ZNF517: variants seen among roughly 807,000 people sequenced by gnomAD.
ZNF517 encodes the protein zinc finger protein 517.
A neutral mutation model predicts 12.1 loss-of-function variants in ZNF517; 12 were observed. The observed-to-expected ratio is 0.99, with a 90% CI of 0.63 to 1.61. The LOEUF is 1.61. Among genes scored for constraint, ZNF517 ranks in the 40% most tolerant of loss-of-function variants. ZNF517 has a pLI of 0.00. For synonymous variants in ZNF517, 388 were observed against 310.2 expected, an observed-to-expected ratio of 1.25 and a Z score of -2.63; for missense variants, 781 against 693.2, an observed-to-expected ratio of 1.13 and a Z score of -1.42.
At chr8:144,804,313 C>T (rs556372185) in intron 4 of ZNF517, 75 bp downstream of exon 4, 2 of 1,107,124 alleles carry the variant, frequency 1.8e-6, no homozygotes, top group Admixed American at 2.2e-5. Flanking sequence ...CTGCAGGTCC[C>T]TTCTTCTACA....
chr8:144,805,294 C>T (rs1341484196), intron 4 of ZNF517, among the ~76,000 whole-genome samples: 1 of 152,206 alleles, frequency 6.6e-6, no homozygotes, highest in Non-Finnish European at 1.5e-5. Context: ...TCTGTATGGC[C>T]TGGTTTTTCC....
chr8:144,800,976 C>T (rs537187391), intron 1 of ZNF517, among the ~76,000 whole-genome samples: 7 of 152,222 alleles, frequency 4.6e-5, no homozygotes, highest in Admixed American at 6.5e-5. Context: ...ATTACAGGTG[C>T]GTACCAGCAC....
chr8:144,806,367 C>T (rs1292900340), intron 4 of ZNF517, among the ~76,000 whole-genome samples: 6 of 152,218 alleles, frequency 3.9e-5, no homozygotes, highest in Non-Finnish European at 8.8e-5. Flanking sequence ...CCTGTCTTCC[C>T]TGCCAGACCT....
At position 144,803,707 on chromosome 8, in the gene ZNF517, G is replaced by A. The variant is rs757457261; in HGVS notation, c.100G>A (p.Asp34Asn). The A allele has an allele frequency of 2.1e-5, 34 of 1,614,026 alleles. No individual in the cohort carries two copies. Among genetic ancestry groups the A allele is most frequent in the Non-Finnish European group, 2.6e-5 (31 of 1,180,016 alleles). ...TRIEWSCLAPDQQALYRDVML... is the reference protein window; with the variant it reads ...TRIEWSCLAPNQQALYRDVML... ...GATAGAGTGGAGTTGCCTGGCCCCC[G>A]ACCAGCAGGCACTCTACAGGGACGT... Residue 34 changes from aspartate (D) to asparagine (N), a missense_variant, in exon 3 of 5, where the codon GAC becomes AAC. Coordinates refer to ENST00000359971, the MANE Select transcript of ZNF517 (RefSeq NM_213605.3).
intron 1 of ZNF517, among the ~76,000 whole-genome samples, chr8:144,801,708 C>T (rs995307075): frequency 1.3e-5 from 2 of 152,022 alleles, no homozygotes; most frequent in African/African-American, 2.4e-5. Flanking sequence ...CTGTCTCCAC[C>T]GCACCTGGCC....
At chr8:144,810,135 C>T, downstream of ZNF517, 1 of 694,074 alleles carries the variant, frequency 1.4e-6, no homozygotes, top group Non-Finnish European at 2.6e-6. Flanking sequence ...CAGCAGAAGC[C>T]AGGAAGGAAG....
Position 144,808,647 on chromosome 8 carries a change from C to CGGGCAGAAGGGAGAGAGGGAG in ZNF517, c.*259_*279dup, listed in dbSNP as rs1827420866. The stretch of plus-strand genomic sequence containing the variant: ...GGGGCCTTCCGGAAATGTCCAGGAG[C>CGGGCAGAAGGGAGAGAGGGAG]GGGCAGAAGGGAGAGAGGGAGGGGC... On this transcript the variant is annotated 3_prime_UTR_variant, in exon 5 of 5. Transcript: ENST00000359971. 1 of 423,470 alleles carries CGGGCAGAAGGGAGAGAGGGAG rather than the reference C, an allele frequency of 2.4e-6. No individual in the cohort carries two copies. Among genetic ancestry groups the CGGGCAGAAGGGAGAGAGGGAG allele is most frequent in the Admixed American group, 4.5e-5 (1 of 22,374 alleles). The allele number at this position is 423,470 out of a possible 1,614,324, so 26.2% of individuals were successfully genotyped here.
chr8:144,812,512 G>A (rs888109502), downstream of ZNF517, among the ~76,000 whole-genome samples: 45 of 149,956 alleles, frequency 3.0e-4, no homozygotes, highest in Non-Finnish European at 5.6e-4. Context: ...GGAGAGAGAC[G>A]GACAGTAAAG....
intron 4 of ZNF517, among the ~76,000 whole-genome samples, chr8:144,806,388 C>T (rs540899390): frequency 1.3e-5 from 2 of 152,334 alleles, no homozygotes; most frequent in African/African-American, 4.8e-5. Context: ...TGGGCCTCTC[C>T]TATGGGCTCC....
At chr8:144,802,741 G>T in intron 1 of ZNF517, 129 bp from the exon 2 acceptor site, 1 of 1,396,364 alleles carries the variant, frequency 7.2e-7, no homozygotes, top group East Asian at 2.6e-5. Flanking sequence ...GGACGTGAAG[G>T]AGGCGGCTGA....
Position 144,807,677 on chromosome 8 carries a change from T to G in ZNF517, c.761T>G (p.Val254Gly), listed in dbSNP as rs1046088755. 11 of 1,609,934 alleles carry G rather than the reference T, an allele frequency of 6.8e-6. No homozygotes were observed. The highest frequency in any genetic ancestry group is 9.3e-6 in the Non-Finnish European group (11 of 1,179,318). ...ACGCAGCTGGCTGCCCACCACCGCG[T>G]CCACACCCGCGAGCGGCCCTACGCA... ...QSTQLAAHHRVHTRERPYACG... is the reference protein window; with the variant it reads ...QSTQLAAHHRGHTRERPYACG... The change falls in exon 5 of 5, where the codon GTC (valine) becomes GGC (glycine). Residue 254 changes from valine (V) to glycine (G), a missense_variant. Val to Gly is a moderately radical substitution (Grantham distance 109). Coordinates refer to ENST00000359971, the MANE Select transcript of ZNF517 (RefSeq NM_213605.3).
At chr8:144,804,881 G>A (rs909093072) in intron 4 of ZNF517, among the ~76,000 whole-genome samples, 1 of 152,176 alleles carries the variant, frequency 6.6e-6, no homozygotes, top group African/African-American at 2.4e-5. Flanking sequence ...CACTAATTCT[G>A]TTACTGCTGT....
rs951658237 is a variant in ZNF517 at position 144,809,010 on chromosome 8, G to A, written c.*615G>A. ...AAAAATAAGTCAGGTATCGTGGTCTGTGCCTGTACGCTGTAGTCCCAGCTA... is the reference window on the plus strand; with the variant it reads ...AAAAATAAGTCAGGTATCGTGGTCTATGCCTGTACGCTGTAGTCCCAGCTA... On this transcript the variant is annotated 3_prime_UTR_variant, in exon 5 of 5. Coordinates refer to ENST00000359971, the MANE Select transcript of ZNF517 (RefSeq NM_213605.3). 6.6e-6 allele frequency: 1 copy of A among 151,968 alleles called. No individual in the cohort carries two copies. Among genetic ancestry groups the A allele is most frequent in the African/African-American group, 2.4e-5 (1 of 41,360 alleles). The allele number at this position is 151,968 out of a possible 1,614,324, so 9.4% of individuals were successfully genotyped here. A position where few individuals can be genotyped will look rare whatever the true frequency, so the allele number is the denominator to read the frequency against.
chr8:144,803,775 C>T lies in ZNF517; in HGVS notation c.160+8C>T. 1.9e-6 allele frequency: 3 copies of T among 1,612,588 alleles called. No individual in the cohort carries two copies. The highest frequency in any genetic ancestry group is 2.5e-6 in the Non-Finnish European group (3 of 1,179,072). ...GGAACCTGGCCTCACTAGGTGAGGGCTTCTGCCTTTGGTCCTGGGGCCGGG... is the reference window on the plus strand; with the variant it reads ...GGAACCTGGCCTCACTAGGTGAGGGTTTCTGCCTTTGGTCCTGGGGCCGGG... On this transcript the variant is annotated splice_region_variant and intron_variant, in intron 3 of 4. Transcript: ENST00000359971.
rs200455534 is a variant in ZNF517 at position 144,807,535 on chromosome 8, T to C, written c.619T>C (p.Cys207Arg). 2.3e-5 allele frequency: 37 copies of C among 1,596,348 alleles called. No homozygotes were observed. Among genetic ancestry groups the C allele is most frequent in the Admixed American group, 1.4e-4 (8 of 57,502 alleles). Reference sequence around the variant, plus strand: ...CCACACCGGCGCCAAGCCCTTCCAGTGCACAGAGTGCGGGAAGGCCTTCAA... The same window carrying C: ...CCACACCGGCGCCAAGCCCTTCCAGCGCACAGAGTGCGGGAAGGCCTTCAA... ...IIHTGAKPFQ[C>R]TECGKAFKQS... Residue 207 changes from cysteine to arginine, a missense_variant, in exon 5 of 5, where the codon TGC (cysteine) becomes CGC (arginine). Physicochemically the swap from Cys to Arg is radical, Grantham distance 180. Coordinates refer to ENST00000359971, the MANE Select transcript of ZNF517 (RefSeq NM_213605.3).
intron 1 of ZNF517, 155 bp from the exon 2 acceptor site, chr8:144,802,715 T>G: frequency 1.0e-6 from 1 of 974,526 alleles, no homozygotes; most frequent in African/African-American, 1.8e-5. Flanking sequence ...TGGAGAAGCT[T>G]GGATACACCT....
chr8:144,804,263 G>T (rs977664356), intron 4 of ZNF517, 25 bp downstream of exon 4: 4 of 1,581,214 alleles, frequency 2.5e-6, no homozygotes, highest in Non-Finnish European at 3.5e-6. Context: ...CCCACAGGGC[G>T]TGTCCTGTGC....
At chr8:144,804,034 C>T (rs1354105420) in intron 3 of ZNF517, 91 bp from the exon 4 acceptor site, 18 of 1,306,638 alleles carry the variant, frequency 1.4e-5, no homozygotes, top group East Asian at 1.2e-4. Flanking sequence ...CCACTCCAAG[C>T]ACTCTGTGCC....
intron 1 of ZNF517, among the ~76,000 whole-genome samples, chr8:144,799,509 G>A (rs1021274885): frequency 2.0e-5 from 3 of 152,246 alleles, no homozygotes; most frequent in Admixed American, 6.5e-5. Context: ...TAGAGGTGAG[G>A]CGTTAGTGTA....
Sources: allele counts gnomAD v4.1 joint callset (sites outside exome capture counted in the v4.1 genomes callset), GRCh38; gene constraint gnomAD v4.1.1; transcripts MANE v1.5; gene names NCBI Gene and HGNC (gene_info 2026-07-23, HGNC 2026-07-21).